Variants in PCDH10 observed in about 807,000 individuals in gnomAD.
PCDH10 encodes the protein protocadherin-10.
PCDH10 carries 15 observed loss-of-function variants against 74.4 expected under a neutral mutation model. That is an observed-to-expected ratio of 0.20 (90% CI 0.13 to 0.31). The LOEUF is 0.31. Ranked by LOEUF, PCDH10 falls within the 10% of genes least tolerant of loss-of-function variation. The probability of loss-of-function intolerance (pLI) is 1.00; values close to 1 mark genes in which losing one functional copy is unlikely to be tolerated. For synonymous variants in PCDH10, 619 were observed against 589.8 expected, an observed-to-expected ratio of 1.05 and a Z score of -0.72; for missense variants, 1,260 against 1,390.2, an observed-to-expected ratio of 0.91 and a Z score of 1.49.
At chr4:133,196,961 A>G (rs931320273), downstream of PCDH10, among the ~76,000 whole-genome samples, 27 of 152,346 alleles carry the variant, frequency 1.8e-4, no homozygotes, top group African/African-American at 6.5e-4. Context: ...CAAAATTTCA[A>G]CCTGCCACAG....
At chr4:133,195,376 G>T (rs1420372390), downstream of PCDH10, among the ~76,000 whole-genome samples, 2 of 151,980 alleles carry the variant, frequency 1.3e-5, no homozygotes, top group Non-Finnish European at 2.9e-5. Flanking sequence ...CAATTCAGTG[G>T]AAAAGAACCG....
At position 133,154,250 on chromosome 4, in the gene PCDH10, A is replaced by G. The variant is rs1578559484; in HGVS notation, c.2632-57A>G. The G allele has an allele frequency of 8.6e-6, 9 of 1,049,286 alleles. No homozygotes were observed. In the East Asian group the frequency reaches 1.4e-4, roughly 17 times the overall value. The allele number at this position is 1,049,286 out of a possible 1,614,324, so 65.0% of individuals were successfully genotyped here. On this transcript the variant is annotated intron_variant, in intron 1 of 4. Transcript: ENST00000264360. ...ATATAGTTCCTAACCTCAAAAGTAG[A>G]CTGCTAGTTCAACCCATAGCATTCA...
downstream of PCDH10, among the ~76,000 whole-genome samples, chr4:133,199,198 G>A (rs1371184096): frequency 2.0e-5 from 3 of 151,528 alleles, no homozygotes; most frequent in Admixed American, 6.6e-5. Context: ...TGAAGTGGGA[G>A]GATCACTTGA....
At chr4:133,188,403 G>A (rs1727585704) in intron 4 of PCDH10, among the ~76,000 whole-genome samples, 1 of 152,062 alleles carries the variant, frequency 6.6e-6, no homozygotes. Context: ...TCATGAAACA[G>A]TTTGAACTCA....
At chr4:133,183,137 T>G (rs371422635) in intron 4 of PCDH10, among the ~76,000 whole-genome samples, 2 of 152,204 alleles carry the variant, frequency 1.3e-5, no homozygotes, top group African/African-American at 4.8e-5. Flanking sequence ...ATCACTAGTT[T>G]TTGTCATAGT....
At position 133,150,167 on chromosome 4, in the gene PCDH10, G is replaced by C; in HGVS notation, c.27G>C (p.Leu9Phe). 1 of 1,582,270 alleles carries C rather than the reference G, an allele frequency of 6.3e-7. No homozygotes were observed. Among genetic ancestry groups the C allele is most frequent in the Non-Finnish European group, 8.6e-7 (1 of 1,165,366 alleles). The change falls in exon 1 of 5, where the codon TTG (leucine) becomes TTC (phenylalanine). Residue 9 changes from leucine to phenylalanine, a missense_variant. This residue lies in a region of PCDH10 where 103 missense variants were observed against 91.5 expected (regional missense o/e 1.13). Coordinates refer to ENST00000264360, the MANE Select transcript of PCDH10 (RefSeq NM_032961.3). ...TGATTGTGCTATTATTGTTTGCCTT[G>C]CTCTGGATGGTGGAAGGAGTCTTTT... MIVLLLFALLWMVEGVFSQ... is the reference protein window; with the variant it reads MIVLLLFAFLWMVEGVFSQ...
At chr4:133,162,956 G>A (rs1726999464) in intron 3 of PCDH10, 21 bp from the exon 4 acceptor site, 1 of 1,591,598 alleles carries the variant, frequency 6.3e-7, no homozygotes, top group South Asian at 1.1e-5. Flanking sequence ...TACATCCGTA[G>A]TTTCTGTTTT....
chr4:133,157,472 C>T (rs80166100), intron 3 of PCDH10, among the ~76,000 whole-genome samples: 8,245 of 152,012 alleles, frequency 0.054, 579 homozygotes, highest in African/African-American at 0.17. Context: ...TCCAATTTTG[C>T]AAAATTAGGT....
intron 4 of PCDH10, among the ~76,000 whole-genome samples, chr4:133,165,724 C>G (rs1163253290): frequency 6.6e-6 from 1 of 151,512 alleles, no homozygotes; most frequent in African/African-American, 2.4e-5. Flanking sequence ...TTGTAAAGCT[C>G]TAAAAAGCCT....
chr4:133,175,960 G>T (rs1727287243), intron 4 of PCDH10, among the ~76,000 whole-genome samples: 1 of 152,066 alleles, frequency 6.6e-6, no homozygotes, highest in Non-Finnish European at 1.5e-5. Flanking sequence ...TTTAAAATGT[G>T]CCTGAAGCAC....
Position 133,154,744 on chromosome 4 carries a change from G to A in PCDH10, c.2691-173G>A, listed in dbSNP as rs1028940592. The A allele has an allele frequency of 5.2e-5, 30 of 578,164 alleles. No homozygotes were observed. In the East Asian group the frequency reaches 7.0e-4, roughly 14 times the overall value. The allele number at this position is 578,164 out of a possible 1,614,324, so 35.8% of individuals were successfully genotyped here. The stretch of plus-strand genomic sequence containing the variant: ...TAAGTGCTCAAAATGACTGTTAATC[G>A]ATCATTTTTAAATAGTTAAGCTTAG... On this transcript the variant is annotated intron_variant, in intron 2 of 4. Coordinates refer to ENST00000264360, the MANE Select transcript of PCDH10 (RefSeq NM_032961.3).
intron 4 of PCDH10, among the ~76,000 whole-genome samples, chr4:133,181,298 C>T (rs1482638277): frequency 6.6e-6 from 1 of 151,498 alleles, no homozygotes; most frequent in African/African-American, 2.4e-5. Context: ...TTTTTTTTAT[C>T]TTTCTGAACT....
At chr4:133,207,351 T>C (rs945425503) in intron 2 of PCDH10, among the ~76,000 whole-genome samples, 3 of 152,206 alleles carry the variant, frequency 2.0e-5, no homozygotes, top group Admixed American at 2.0e-4. Flanking sequence ...GCTTCAATAC[T>C]TGAGGTCAAT....
Position 133,163,147 on chromosome 4 carries a change from C to G in PCDH10, c.2968C>G (p.Pro990Ala), listed in dbSNP as rs1254120609. 2 of 1,613,968 alleles carry G rather than the reference C, an allele frequency of 1.2e-6. No homozygotes were observed. Among genetic ancestry groups the G allele is most frequent in the Admixed American group, 1.7e-5 (1 of 59,984 alleles). The change falls in exon 4 of 5, where the codon CCA becomes GCA. Residue 990 changes from proline (P) to alanine (A), a missense_variant. Pro to Ala is a conservative substitution (Grantham distance 27). Coordinates refer to ENST00000264360, the MANE Select transcript of PCDH10 (RefSeq NM_032961.3). ...SVPDTEVFET[P>A]EAQPGAERSF... ...TCCAGACACTGAGGTGTTTGAAACT[C>G]CAGAAGCCCAGCCTGGGGCAGAGCG...
At chr4:133,189,726 A>AT (rs1328284576) in intron 4 of PCDH10, among the ~76,000 whole-genome samples, 1 of 152,062 alleles carries the variant, frequency 6.6e-6, no homozygotes, top group African/African-American at 2.4e-5. Context: ...TGTATAATTT[A>AT]TAGTTTATGA....
intron 3 of PCDH10, among the ~76,000 whole-genome samples, chr4:133,161,866 C>G (rs1404192517): frequency 6.6e-6 from 1 of 151,928 alleles, no homozygotes; most frequent in African/African-American, 2.4e-5. Context: ...TGCTTTGGCC[C>G]TGTTTTAAAA....
chr4:133,179,322 G>A (rs1210519254), intron 4 of PCDH10, among the ~76,000 whole-genome samples: 3 of 152,056 alleles, frequency 2.0e-5, no homozygotes, highest in African/African-American at 7.2e-5. Context: ...CAAAATATTT[G>A]ACTCATGTTC....
chr4:133,199,003 G>C (rs2125876798), downstream of PCDH10, among the ~76,000 whole-genome samples: 1 of 152,138 alleles, frequency 6.6e-6, no homozygotes, highest in East Asian at 1.9e-4. Context: ...AACTTGCCTG[G>C]CTGGCGGCTC....
At chr4:133,169,299 T>A (rs2125865810) in intron 4 of PCDH10, among the ~76,000 whole-genome samples, 1 of 151,938 alleles carries the variant, frequency 6.6e-6, no homozygotes, top group Non-Finnish European at 1.5e-5. Context: ...ATTTTAAAAT[T>A]ACATTTTTGA....
Sources: gnomAD v4.1 joint callset for allele counts (sites outside exome capture counted in the v4.1 genomes callset) on GRCh38, gnomAD v4.1.1 for gene constraint, gnomAD v4.1.1 regional missense constraint, MANE v1.5 for transcripts, NCBI Gene and HGNC (gene_info 2026-07-23, HGNC 2026-07-21) for gene names.